SCAF4: variants seen among roughly 807,000 people sequenced by gnomAD.
The protein encoded by SCAF4 is SR-related CTD associated factor 4.
In SCAF4, 25 loss-of-function variants were observed where a neutral mutation model predicts 129.8. The observed-to-expected ratio is 0.19, with a 90% CI of 0.14 to 0.27. SCAF4 has a LOEUF of 0.27. SCAF4 is among the 10% of genes least tolerant of loss of function. The pLI is 1.00. For synonymous variants in SCAF4, 551 were observed against 497.7 expected (o/e 1.11, Z -1.43); for missense variants, 1,246 against 1,457.1 (o/e 0.86, Z 2.36).
Position 31,696,219 on chromosome 21 carries a change from C to A in SCAF4, c.962G>T (p.Gly321Val), listed in dbSNP as rs1260587511. ...CTGCTGCATGCCATCTCCAGGAAAGCCACTAAAAAAAGGTGGATAATCTTT... is the reference window on the plus strand; with the variant it reads ...CTGCTGCATGCCATCTCCAGGAAAGACACTAAAAAAAGGTGGATAATCTTT... ...ASPPPPQAPF[G>V]FPGDGMQQPA... is the part of the protein sequence containing the mutation. The change falls in exon 9 of 20, where the codon GGC (glycine) becomes GTC (valine). Residue 321 changes from glycine to valine, a missense_variant and splice_region_variant. Around this residue, in one of 6 missense-constraint regions of SCAF4, gnomAD observed 236 missense variants for 210.0 expected, o/e 1.12. Coordinates refer to ENST00000286835, the MANE Select transcript of SCAF4 (RefSeq NM_020706.2). The A allele has an allele frequency of 1.2e-6, 2 of 1,610,946 alleles. No individual in the cohort carries two copies. The highest frequency in any genetic ancestry group is 1.7e-6 in the Non-Finnish European group (2 of 1,178,608).
At position 31,706,369 on chromosome 21, in the gene SCAF4, A is replaced by G; in HGVS notation, c.31-12T>C. On this transcript the variant is annotated splice_polypyrimidine_tract_variant and intron_variant, in intron 1 of 19. Coordinates refer to ENST00000286835, the MANE Select transcript of SCAF4 (RefSeq NM_020706.2). Reference sequence around the variant, plus strand: ...ATAAGCGAAAAGAGCTTAAAAGACAAAAAACAAACAAAAAGTAAAGTTTAA... The same window carrying G: ...ATAAGCGAAAAGAGCTTAAAAGACAGAAAACAAACAAAAAGTAAAGTTTAA... 6.5e-7 allele frequency: 1 copy of G among 1,550,264 alleles called. No homozygotes were observed.
In SCAF4 at chr21:31,691,802, C is replaced by A; in HGVS notation, c.1728+15G>T. On this transcript the variant is annotated intron_variant, in intron 14 of 19. Transcript: ENST00000286835. Reference sequence around the variant, plus strand: ...TATTTAAAAAAAAAATTAATTATAACATGTAAGACTGTACCTTTATGGATT... The same window carrying A: ...TATTTAAAAAAAAAATTAATTATAAAATGTAAGACTGTACCTTTATGGATT... 7.2e-7 allele frequency: 1 copy of A among 1,394,368 alleles called. No homozygotes were observed. Among genetic ancestry groups the A allele is most frequent in the South Asian group, 1.4e-5 (1 of 73,422 alleles). The allele number at this position is 1,394,368 out of a possible 1,614,324, so 86.4% of individuals were successfully genotyped here.
At position 31,671,482 on chromosome 21, in the gene SCAF4, G is replaced by A. The variant is rs2049691042; in HGVS notation, c.3361C>T (p.Pro1121Ser). 1 of 1,614,040 alleles carries A rather than the reference G, an allele frequency of 6.2e-7. No individual in the cohort carries two copies. The highest frequency in any genetic ancestry group is 1.3e-5 in the African/African-American group (1 of 74,912). Residue 1121 changes from proline to serine, a missense_variant, in exon 20 of 20, where the codon CCT becomes TCT. Pro to Ser is a moderately conservative substitution (Grantham distance 74). Around this residue, in one of 6 missense-constraint regions of SCAF4, gnomAD observed 339 missense variants for 325.0 expected, o/e 1.04. Coordinates refer to ENST00000286835, the MANE Select transcript of SCAF4 (RefSeq NM_020706.2). ...GCCTCAGCAGGTAACTCTTCAGAAG[G>A]CTTTAGGACTGCAGCCTCAGACACC... ...KGVSEAAVLK[P>S]SEELPAEATS...
intron 19 of SCAF4, among the ~76,000 whole-genome samples, chr21:31,678,376 G>A (rs908039464): frequency 6.6e-6 from 1 of 152,082 alleles, no homozygotes. Flanking sequence ...AATATCTTCA[G>A]ACTCTAACCA....
At chr21:31,699,504 T>G (rs2050469924) in intron 7 of SCAF4, among the ~76,000 whole-genome samples, 1 of 120,018 alleles carries the variant, frequency 8.3e-6, no homozygotes, top group African/African-American at 4.1e-5. Flanking sequence ...TATTATTTGT[T>G]TTTTTTTTTT....
Position 31,679,695 on chromosome 21 carries a change from CTA to C in SCAF4, c.2488+5352_2488+5353del, listed in dbSNP as rs145961196. Among the ~76,000 whole-genome samples, 8 of 152,206 alleles carry C rather than the reference CTA, an allele frequency of 5.3e-5. No homozygotes were observed. In the East Asian group the frequency reaches 1.5e-3, roughly 29 times the overall value. ...GCAGATATACTGAGATGTGACTCAT[CTA>C]TTTTTGGCATAAGGGTATATTTTGA... On this transcript the variant is annotated intron_variant, in intron 19 of 19. Transcript: ENST00000286835.
chr21:31,703,780 A>G lies in SCAF4; in HGVS notation c.306T>C (p.Cys102=). 2 of 1,547,208 alleles carry G rather than the reference A, an allele frequency of 1.3e-6. No individual in the cohort carries two copies. Among genetic ancestry groups the G allele is most frequent in the South Asian group, 1.2e-5 (1 of 84,566 alleles). The stretch of plus-strand genomic sequence containing the variant: ...TTAATTATACCTTATCTTCAGATGG[A>G]CAAAGATATAAATATTGGAATGTGG... ...ITATFQYLYL[C]PSEDKSKIVR... The change falls in exon 4 of 20, where the codon TGT becomes TGC. Residue 102 remains cysteine, a synonymous_variant. Transcript: ENST00000286835.
At position 31,696,873 on chromosome 21, in the gene SCAF4, T is replaced by C. The variant is rs531275018; in HGVS notation, c.778-123A>G. ...CCCACATTGTCAAGCACAATCTTATTTTCCCTTATGCCCCTCAGGACCTTG... is the reference window on the plus strand; with the variant it reads ...CCCACATTGTCAAGCACAATCTTATCTTCCCTTATGCCCCTCAGGACCTTG... On this transcript the variant is annotated intron_variant, in intron 7 of 19. Coordinates refer to ENST00000286835, the MANE Select transcript of SCAF4 (RefSeq NM_020706.2). The C allele has an allele frequency of 5.8e-5, 47 of 808,230 alleles. No homozygotes were observed. In the African/African-American group the frequency reaches 7.0e-4, roughly 12 times the overall value. The allele number at this position is 808,230 out of a possible 1,614,324, so 50.1% of individuals were successfully genotyped here.
At chr21:31,680,854 A>G (rs2049979093) in intron 19 of SCAF4, among the ~76,000 whole-genome samples, 1 of 152,234 alleles carries the variant, frequency 6.6e-6, no homozygotes, top group African/African-American at 2.4e-5. Flanking sequence ...CATCAAAATC[A>G]AATTCCTATT....
chr21:31,698,424 T>G (rs1309514049), intron 7 of SCAF4, among the ~76,000 whole-genome samples: 4 of 152,200 alleles, frequency 2.6e-5, no homozygotes, highest in Non-Finnish European at 5.9e-5. Context: ...AATTTACCTA[T>G]AAATTCAAAG....
intron 19 of SCAF4, among the ~76,000 whole-genome samples, chr21:31,674,694 TGA>T (rs1427750177): frequency 6.6e-6 from 1 of 152,248 alleles, no homozygotes; most frequent in Admixed American, 6.5e-5. Context: ...CAGTATATTG[TGA>T]GTTACCCAGG....
At position 31,690,879 on chromosome 21, in the gene SCAF4, A is replaced by G. The variant is rs557042671; in HGVS notation, c.1803T>C (p.Tyr601=). Residue 601 remains tyrosine (Y), a synonymous_variant, in exon 15 of 20, where the codon TAT becomes TAC. Coordinates refer to ENST00000286835, the MANE Select transcript of SCAF4 (RefSeq NM_020706.2). The part of the protein sequence containing the change: ...QYWDVELGVT[Y]IPWDKVKPEE... ...CAGGCTTGACTTTGTCCCATGGAAT[A>G]TAAGTAACACCAAGTTCTACATCCC... 2.3e-5 allele frequency: 37 copies of G among 1,613,878 alleles called. No individual in the cohort carries two copies. In the African/African-American group the frequency reaches 3.9e-4, roughly 17 times the overall value.
intron 1 of SCAF4, among the ~76,000 whole-genome samples, chr21:31,728,576 T>C (rs978809400): frequency 6.6e-6 from 1 of 152,216 alleles, no homozygotes; most frequent in Non-Finnish European, 1.5e-5. Context: ...TATTATAATT[T>C]CTTGGAAAAT....
At chr21:31,719,117 C>A (rs2051009371) in intron 1 of SCAF4, among the ~76,000 whole-genome samples, 1 of 151,982 alleles carries the variant, frequency 6.6e-6, no homozygotes, top group South Asian at 2.1e-4. Flanking sequence ...ATGGAGAAAC[C>A]CCATCTCTAC....
In SCAF4 at chr21:31,731,623, G is replaced by A. The variant is rs183258; in HGVS notation, c.30+40C>T. On this transcript the variant is annotated intron_variant, in intron 1 of 19. Transcript: ENST00000286835. ...GCGGGAGAAACGAGCCCCGGCTCCC[G>A]CAGCAGGCCCGGCACCCCCCTGCCC... 9.2e-3 allele frequency: 14,555 copies of A among 1,582,892 alleles called. 97 individuals carry two copies. The highest frequency in any genetic ancestry group is 0.011 in the Non-Finnish European group (12,767 of 1,169,228).
chr21:31,718,756 C>G (rs138560065), intron 1 of SCAF4, among the ~76,000 whole-genome samples: 183 of 152,338 alleles, frequency 1.2e-3, no homozygotes, highest in African/African-American at 3.9e-3. Context: ...CAGGTACTTT[C>G]ATAAGCAACA....
chr21:31,716,741 G>A (rs1197904751), intron 1 of SCAF4, among the ~76,000 whole-genome samples: 1 of 152,156 alleles, frequency 6.6e-6, no homozygotes, highest in African/African-American at 2.4e-5. Context: ...TTCTTAACCT[G>A]GTATTTCATC....
intron 1 of SCAF4, among the ~76,000 whole-genome samples, chr21:31,731,425 A>G (rs1350589359): frequency 6.6e-6 from 1 of 151,976 alleles, no homozygotes; most frequent in East Asian, 1.9e-4. Context: ...GGGCGAGGGG[A>G]GAAGCCCGAG....
intron 1 of SCAF4, 46 bp downstream of exon 1, chr21:31,731,617 G>T: frequency 1.3e-6 from 2 of 1,577,338 alleles, no homozygotes; most frequent in Non-Finnish European, 8.6e-7. Flanking sequence ...ACGAGCCCCG[G>T]CTCCCGCAGC....
Sources: gnomAD v4.1 joint callset for allele counts (sites outside exome capture counted in the v4.1 genomes callset) on GRCh38, gnomAD v4.1.1 for gene constraint, gnomAD v4.1.1 regional missense constraint, MANE v1.5 for transcripts, NCBI Gene and HGNC (gene_info 2026-07-23, HGNC 2026-07-21) for gene names.